Variants in STX18 observed in about 807,000 individuals in gnomAD.
STX18 encodes the protein syntaxin-18.
A neutral mutation model predicts 50.1 loss-of-function variants in STX18; 40 were observed. The observed-to-expected ratio is 0.80, with a 90% CI of 0.62 to 1.04. The LOEUF is 1.04. Among genes scored for constraint, STX18 ranks in the 50% least tolerant of loss-of-function variants. STX18 has a pLI of 0.00. For missense variants in STX18, 410 were observed against 415.8 expected (o/e 0.99, Z 0.12); for synonymous variants, 158 against 151.8 (o/e 1.04, Z -0.30).
Position 4,438,440 on chromosome 4 carries a change from A to C in STX18, c.567T>G (p.Ser189Arg). Residue 189 changes from serine (S) to arginine (R), a missense_variant, in exon 6 of 11, where the codon AGT becomes AGG. Transcript: ENST00000306200. ...GGTTTTCTTCAGAGTCTTTTGAAGG[A>C]CTCTGTGAAACTTTCTCAGAAGATG... The part of the protein sequence containing the change: ...ESTSSEKVSQ[S>R]PSKDSEENPA... The C allele has an allele frequency of 6.2e-7, 1 of 1,613,682 alleles. No homozygotes were observed. Among genetic ancestry groups the C allele is most frequent in the Non-Finnish European group, 8.5e-7 (1 of 1,179,758 alleles).
intron 1 of STX18, among the ~76,000 whole-genome samples, chr4:4,533,935 A>C (rs1731217395): frequency 6.6e-6 from 1 of 152,224 alleles, no homozygotes; most frequent in Non-Finnish European, 1.5e-5. Flanking sequence ...CCCCAAGATG[A>C]GTTTCATTCA....
intron 1 of STX18, among the ~76,000 whole-genome samples, chr4:4,530,753 G>A (rs1007202878): frequency 1.3e-5 from 2 of 152,142 alleles, no homozygotes; most frequent in African/African-American, 4.8e-5. Flanking sequence ...TTACAGGTGT[G>A]TGCCAAAGCG....
In STX18 at chr4:4,457,168, A is replaced by G. The variant is rs201174408; in HGVS notation, c.497+23T>C. The G allele has an allele frequency of 1.6e-5, 26 of 1,601,268 alleles. 1 individual carries two copies. In the East Asian group the frequency reaches 2.5e-4, roughly 15 times the overall value. On this transcript the variant is annotated intron_variant, in intron 5 of 10. Transcript: ENST00000306200. ...TAGTAGTACTATTATTAATTAAGAA[A>G]CACCAATGAAAGCAATACTTACAAT...
Position 4,527,867 on chromosome 4 carries a change from C to T in STX18, c.168+13930G>A, listed in dbSNP as rs184040343. 1.8e-3 allele frequency among the ~76,000 whole-genome samples: 250 copies of T among 137,178 alleles called. 1 individual carries two copies. Among genetic ancestry groups the T allele is most frequent in the African/African-American group, 4.8e-3 (181 of 37,844 alleles). 90.0% of individuals were successfully genotyped at this position (137,178 alleles called of 152,430 possible). On this transcript the variant is annotated intron_variant, in intron 1 of 10. Coordinates refer to ENST00000306200, the MANE Select transcript of STX18 (RefSeq NM_016930.4). ...ATATATATATACACACACACACACA[C>T]ATATATATATATATTAAAAACTACC...
chr4:4,536,720 C>G (rs910236257), intron 1 of STX18, among the ~76,000 whole-genome samples: 2 of 152,198 alleles, frequency 1.3e-5, no homozygotes, highest in African/African-American at 4.8e-5. Context: ...TCCAAGAACT[C>G]TGAATTTCAG....
chr4:4,437,101 A>C (rs1261176104), intron 6 of STX18, among the ~76,000 whole-genome samples: 3 of 152,068 alleles, frequency 2.0e-5, no homozygotes, highest in African/African-American at 7.2e-5. Context: ...CTGGGATTAC[A>C]GGCGTGTGCC....
intron 1 of STX18, chr4:4,499,499 C>A: frequency 1.0e-6 from 1 of 985,384 alleles, no homozygotes; most frequent in Non-Finnish European, 1.2e-6. Flanking sequence ...TGCTTGCCCA[C>A]GTTGTACTGC....
At chr4:4,515,930 T>C (rs1027521730) in intron 1 of STX18, among the ~76,000 whole-genome samples, 2 of 152,258 alleles carry the variant, frequency 1.3e-5, no homozygotes, top group South Asian at 2.1e-4. Flanking sequence ...GCATAAGCTA[T>C]AGCTGATACA....
intron 5 of STX18, among the ~76,000 whole-genome samples, chr4:4,439,152 AC>A (rs1388906630): frequency 3.2e-5 from 4 of 123,424 alleles, no homozygotes; most frequent in Non-Finnish European, 5.0e-5. Context: ...ACATATATAT[AC>A]CCCCCACACA....
intron 1 of STX18, among the ~76,000 whole-genome samples, chr4:4,512,980 G>A (rs1311877203): frequency 6.6e-6 from 1 of 152,044 alleles, no homozygotes; most frequent in African/African-American, 2.4e-5. Context: ...CCAAATGTTT[G>A]CCTTGAAACT....
At chr4:4,523,070 T>C (rs1730586069) in intron 1 of STX18, among the ~76,000 whole-genome samples, 1 of 152,214 alleles carries the variant, frequency 6.6e-6, no homozygotes, top group Non-Finnish European at 1.5e-5. Context: ...TCCCATTACA[T>C]AGATGAGGAA....
At chr4:4,483,047 A>T (rs1728537314) in intron 1 of STX18, among the ~76,000 whole-genome samples, 1 of 152,206 alleles carries the variant, frequency 6.6e-6, no homozygotes, top group African/African-American at 2.4e-5. Flanking sequence ...GAGGAGACTG[A>T]CTTTTCTAGA....
At position 4,459,409 on chromosome 4, in the gene STX18, C is replaced by T; in HGVS notation, c.315G>A (p.Arg105=). 6.2e-7 allele frequency: 1 copy of T among 1,614,102 alleles called. No individual in the cohort carries two copies. Among genetic ancestry groups the T allele is most frequent in the Non-Finnish European group, 8.5e-7 (1 of 1,180,012 alleles). ...QIDQDAQIFM[R]TCSEAIQQLR... is the part of the protein sequence containing the mutation. Reference sequence around the variant, plus strand: ...GTTGCTGAATTGCTTCTGAACAGGTCCTCATGAATATCTGGGCATCCTGGT... The same window carrying T: ...GTTGCTGAATTGCTTCTGAACAGGTTCTCATGAATATCTGGGCATCCTGGT... The change falls in exon 3 of 11, where the codon AGG becomes AGA. Residue 105 remains arginine (R), a synonymous_variant. Coordinates refer to ENST00000306200, the MANE Select transcript of STX18 (RefSeq NM_016930.4).
At chr4:4,445,735 G>C (rs774884845) in intron 5 of STX18, among the ~76,000 whole-genome samples, 34 of 152,172 alleles carry the variant, frequency 2.2e-4, no homozygotes, top group Non-Finnish European at 3.7e-4. Context: ...TTTGTGGATA[G>C]ATGTTAAGAT....
chr4:4,455,252 A>G (rs1727004001), intron 5 of STX18, among the ~76,000 whole-genome samples: 1 of 152,224 alleles, frequency 6.6e-6, no homozygotes, highest in African/African-American at 2.4e-5. Context: ...GTTTAATAGC[A>G]ACCCAGCCTG....
chr4:4,516,356 T>G (rs1241488449), intron 1 of STX18, among the ~76,000 whole-genome samples: 1 of 152,210 alleles, frequency 6.6e-6, no homozygotes, highest in African/African-American at 2.4e-5. Context: ...GCCTATCAGA[T>G]CCAGTCTTTG....
chr4:4,458,348 TA>T (rs1727191086), intron 3 of STX18, among the ~76,000 whole-genome samples: 2 of 152,206 alleles, frequency 1.3e-5, no homozygotes, highest in Non-Finnish European at 2.9e-5. Flanking sequence ...TGCCTTACTA[TA>T]GGGCTGCTTA....
chr4:4,461,997 C>T (rs1045126336), intron 2 of STX18: 9 of 456,112 alleles, frequency 2.0e-5, no homozygotes, highest in Middle Eastern at 3.3e-4. Context: ...GCTGCGGCTG[C>T]GCAGTGGCAC....
intron 1 of STX18, among the ~76,000 whole-genome samples, chr4:4,510,764 C>T (rs1005796657): frequency 6.6e-6 from 1 of 152,114 alleles, no homozygotes; most frequent in Non-Finnish European, 1.5e-5. Flanking sequence ...AAAGGCCCAT[C>T]AATGATAGAC....
Sources: gnomAD v4.1 joint callset for allele counts (sites outside exome capture counted in the v4.1 genomes callset) on GRCh38, gnomAD v4.1.1 for gene constraint, MANE v1.5 for transcripts, NCBI Gene and HGNC (gene_info 2026-07-23, HGNC 2026-07-21) for gene names.